Variants in MAD1L1 observed in about 807,000 individuals in gnomAD.
The protein encoded by MAD1L1 is mitotic spindle assembly checkpoint protein MAD1.
A neutral mutation model predicts 96.9 loss-of-function variants in MAD1L1; 95 were observed. That is an observed-to-expected ratio of 0.98 (90% confidence interval 0.83 to 1.16). MAD1L1 has a LOEUF of 1.16. MAD1L1 is among the 50% of genes most tolerant of loss of function. The pLI is 0.00. For synonymous variants in MAD1L1, 473 were observed against 396.6 expected, an observed-to-expected ratio of 1.19 and a Z score of -2.29; for missense variants, 1,007 against 954.4, an observed-to-expected ratio of 1.06 and a Z score of -0.73.
At chr7:1,944,711 C>T (rs1031581270) in intron 16 of MAD1L1, among the ~76,000 whole-genome samples, 9 of 152,196 alleles carry the variant, frequency 5.9e-5, no homozygotes, top group African/African-American at 1.7e-4. Flanking sequence ...GTGGCCTGAC[C>T]ATCACCCCCC....
rs549507168 is a variant in MAD1L1 at position 2,230,552 on chromosome 7, A to G, written c.-14T>C. ...TTTATTGGGGAAACTGACTCACGCG[A>G]TTACAGAGACTGTCCCACAACAGGC... On this transcript the variant is annotated 5_prime_UTR_variant, in exon 2 of 19. Transcript: ENST00000265854. The G allele has an allele frequency of 2.0e-4, 37 of 181,962 alleles. No homozygotes were observed. The highest frequency in any genetic ancestry group is 8.6e-4 in the African/African-American group (37 of 42,956). 11.3% of individuals were successfully genotyped at this position (181,962 alleles called of 1,614,324 possible).
At chr7:2,065,378 C>G (rs961067774) in intron 12 of MAD1L1, among the ~76,000 whole-genome samples, 9 of 152,352 alleles carry the variant, frequency 5.9e-5, no homozygotes, top group Non-Finnish European at 1.2e-4. Context: ...CGCTCCCAAT[C>G]CCACAGCAGG....
intron 12 of MAD1L1, among the ~76,000 whole-genome samples, chr7:2,021,025 C>T (rs563569942): frequency 6.6e-6 from 1 of 152,200 alleles, no homozygotes; most frequent in East Asian, 1.9e-4. Context: ...ACTTCCCGTA[C>T]TAAAATGCAC....
chr7:1,829,304 C>CCGT (rs1296538883), intron 18 of MAD1L1, among the ~76,000 whole-genome samples: 3 of 152,114 alleles, frequency 2.0e-5, no homozygotes, highest in Admixed American at 6.5e-5. Flanking sequence ...GTCACAGCAG[C>CCGT]CGTGACTTCT....
intron 16 of MAD1L1, among the ~76,000 whole-genome samples, chr7:1,942,353 G>A (rs953422883): frequency 3.3e-5 from 5 of 152,224 alleles, no homozygotes; most frequent in Non-Finnish European, 7.3e-5. Context: ...CAAGGTGGCT[G>A]GGGGCGACAG....
intron 10 of MAD1L1, among the ~76,000 whole-genome samples, chr7:2,168,894 G>T (rs1034065997): frequency 6.6e-6 from 1 of 152,188 alleles, no homozygotes; most frequent in Non-Finnish European, 1.5e-5. Flanking sequence ...GGCTGAAGCG[G>T]GAGGAACACG....
At chr7:2,227,832 C>A (rs1793982206) in intron 3 of MAD1L1, among the ~76,000 whole-genome samples, 2 of 152,238 alleles carry the variant, frequency 1.3e-5, no homozygotes, top group South Asian at 2.1e-4. Context: ...GCACGACCGG[C>A]AGGGACCAGG....
chr7:1,992,828 CGGCAGGGGCAGG>C (rs149046451), intron 14 of MAD1L1, among the ~76,000 whole-genome samples: 2 of 151,350 alleles, frequency 1.3e-5, no homozygotes, highest in African/African-American at 4.8e-5. Context: ...GGGAGGCAGG[CGGCAGGGGCAGG>C]GGCAGGGGCA....
At chr7:1,983,015 ATGATGTATTTCAACCTGC>A (rs529507457) in intron 14 of MAD1L1, among the ~76,000 whole-genome samples, 1 of 152,218 alleles carries the variant, frequency 6.6e-6, no homozygotes, top group Non-Finnish European at 1.5e-5. Flanking sequence ...CTTACTGCAT[ATGATGTATTTCAACCTGC>A]TGTTGAATTT....
chr7:1,880,084 C>G (rs1785600573), intron 18 of MAD1L1, among the ~76,000 whole-genome samples: 1 of 152,186 alleles, frequency 6.6e-6, no homozygotes, highest in Non-Finnish European at 1.5e-5. Flanking sequence ...AAAGGATATT[C>G]CTTTAAACAA....
intron 10 of MAD1L1, among the ~76,000 whole-genome samples, chr7:2,150,281 G>C (rs187432352): frequency 6.6e-6 from 1 of 152,148 alleles, no homozygotes. Flanking sequence ...TCCTCTCTGC[G>C]AGTCAGCCAC....
intron 10 of MAD1L1, among the ~76,000 whole-genome samples, chr7:2,161,716 C>T (rs978500516): frequency 1.3e-5 from 2 of 151,746 alleles, no homozygotes; most frequent in South Asian, 2.1e-4. Flanking sequence ...TCTGCCCCGC[C>T]GCCCCGTCTG....
chr7:1,916,262 G>A (rs1278185970), intron 17 of MAD1L1, among the ~76,000 whole-genome samples: 1 of 152,052 alleles, frequency 6.6e-6, no homozygotes, highest in South Asian at 2.1e-4. Context: ...TTCCCCTCCC[G>A]TCTGGAGGAA....
chr7:1,960,899 G>A (rs574244651), intron 15 of MAD1L1, among the ~76,000 whole-genome samples: 2 of 152,282 alleles, frequency 1.3e-5, no homozygotes, highest in East Asian at 3.9e-4. Flanking sequence ...CATAAAAGAA[G>A]GCTCAGTCTA....
At chr7:2,051,533 A>G (rs543839175) in intron 12 of MAD1L1, among the ~76,000 whole-genome samples, 1 of 152,244 alleles carries the variant, frequency 6.6e-6, no homozygotes, top group South Asian at 2.1e-4. Context: ...GGTATGTTAG[A>G]AACTCACACT....
chr7:2,116,676 G>A lies in MAD1L1; in HGVS notation c.1073+32476C>T, dbSNP rs576744736. 4.6e-5 allele frequency among the ~76,000 whole-genome samples: 7 copies of A among 152,146 alleles called. No individual in the cohort carries two copies. In the South Asian group the frequency reaches 6.2e-4, roughly 14 times the overall value. On this transcript the variant is annotated intron_variant, in intron 11 of 18. Transcript: ENST00000265854. ...CTGTTGCAGGGGGCCCAGGTCCATCGGACTGGAGCAGAAAAACCAGAGAAG... is the reference window on the plus strand; with the variant it reads ...CTGTTGCAGGGGGCCCAGGTCCATCAGACTGGAGCAGAAAAACCAGAGAAG...
At chr7:2,035,160 T>G (rs1371629162) in intron 12 of MAD1L1, among the ~76,000 whole-genome samples, 2 of 152,266 alleles carry the variant, frequency 1.3e-5, no homozygotes, top group Non-Finnish European at 2.9e-5. Flanking sequence ...AGGGGCCACA[T>G]GACCCCACAG....
intron 11 of MAD1L1, among the ~76,000 whole-genome samples, chr7:2,072,923 A>T (rs1425729883): frequency 6.6e-6 from 1 of 152,220 alleles, no homozygotes; most frequent in Non-Finnish European, 1.5e-5. Flanking sequence ...CGCCACGCAG[A>T]GCAGATGTGA....
intron 14 of MAD1L1, among the ~76,000 whole-genome samples, chr7:1,993,356 G>A (rs1290704685): frequency 6.6e-6 from 1 of 152,226 alleles, no homozygotes; most frequent in African/African-American, 2.4e-5. Context: ...TCAGTCCGCA[G>A]ACCAAGGCAA....
Sources: allele counts gnomAD v4.1 joint callset (sites outside exome capture counted in the v4.1 genomes callset), GRCh38; gene constraint gnomAD v4.1.1; transcripts MANE v1.5; gene names NCBI Gene and HGNC (gene_info 2026-07-23, HGNC 2026-07-21).